Variants in CTNND2 observed in about 807,000 individuals in gnomAD.
The protein encoded by CTNND2 is catenin delta 2, also known as catenin delta-2.
In CTNND2, 22 loss-of-function variants were observed where a neutral mutation model predicts 144.4. The ratio of observed to expected loss-of-function variants is 0.15; its 90% CI spans 0.11 to 0.22. CTNND2 has a LOEUF of 0.22. Ranked by LOEUF, CTNND2 falls within the 10% of genes least tolerant of loss-of-function variation. CTNND2 has a pLI of 1.00. For missense variants in CTNND2, 1,353 were observed against 1,618.8 expected (o/e 0.84, Z 2.82); for synonymous variants, 751 against 695.6 (o/e 1.08, Z -1.25).
chr5:11,382,606 TG>T (rs2149796010), intron 7 of CTNND2, among the ~76,000 whole-genome samples: 1 of 136,880 alleles, frequency 7.3e-6, no homozygotes, highest in South Asian at 2.3e-4. Flanking sequence ...TGTGTGTGTG[TG>T]TGTGTGTGTG....
intron 3 of CTNND2, among the ~76,000 whole-genome samples, chr5:11,515,200 T>C (rs1772053109): frequency 6.6e-6 from 1 of 152,132 alleles, no homozygotes; most frequent in Non-Finnish European, 1.5e-5. Context: ...GTGTGTATTT[T>C]CTCAACGGGG....
chr5:11,707,453 C>T (rs962834759), intron 2 of CTNND2, among the ~76,000 whole-genome samples: 4 of 152,098 alleles, frequency 2.6e-5, no homozygotes, highest in Admixed American at 2.0e-4. Flanking sequence ...TGCAAGTAAT[C>T]CAAGTGGTAA....
In CTNND2 at chr5:11,903,480, T is replaced by A; in HGVS notation, c.37+337A>T. On this transcript the variant is annotated intron_variant, in intron 1 of 21. Transcript: ENST00000304623. This position sits in a 1 kb window ranked among gnomAD's most constrained non-coding sequence, Gnocchi z 5.4. The stretch of plus-strand genomic sequence containing the variant: ...TTAGGGACGTCATGAATGCACCGAG[T>A]ATGTTCTCAGGGTGGCGGGGAGCAG... The A allele has an allele frequency of 1.5e-6, 1 of 651,578 alleles. No homozygotes were observed. The highest frequency in any genetic ancestry group is 2.0e-6 in the Non-Finnish European group (1 of 498,802). The allele number at this position is 651,578 out of a possible 1,614,324, so 40.4% of individuals were successfully genotyped here.
intron 3 of CTNND2, among the ~76,000 whole-genome samples, chr5:11,562,257 G>A (rs1465193525): frequency 2.0e-5 from 3 of 151,972 alleles, no homozygotes; most frequent in Admixed American, 6.6e-5. Context: ...AATCAACATC[G>A]AAATTACCAG....
At chr5:11,852,122 A>T (rs4280864) in intron 1 of CTNND2, among the ~76,000 whole-genome samples, 105,223 of 151,848 alleles carry the variant, frequency 0.69, 36,561 homozygotes, top group South Asian at 0.78. Context: ...TTCAGACTCT[A>T]CAGCTTCCAT....
intron 1 of CTNND2, among the ~76,000 whole-genome samples, chr5:11,854,182 G>A (rs543288185): frequency 8.5e-5 from 13 of 152,282 alleles, no homozygotes; most frequent in South Asian, 4.1e-4. Flanking sequence ...GCCTGGACCC[G>A]TCTTTTCAAA....
chr5:11,276,909 T>A (rs573651841), intron 9 of CTNND2, among the ~76,000 whole-genome samples: 1 of 152,186 alleles, frequency 6.6e-6, no homozygotes, highest in Non-Finnish European at 1.5e-5. Flanking sequence ...GAAAGGATTA[T>A]CCCCTAGAGC....
chr5:11,901,736 A>G (rs943994727), intron 1 of CTNND2, among the ~76,000 whole-genome samples: 2 of 152,186 alleles, frequency 1.3e-5, no homozygotes, highest in Admixed American at 6.5e-5. Context: ...AATCCACAAT[A>G]TAACATAAAA....
chr5:11,620,784 C>G (rs1009821278), intron 2 of CTNND2, among the ~76,000 whole-genome samples: 3 of 152,156 alleles, frequency 2.0e-5, no homozygotes, highest in Admixed American at 2.0e-4. Flanking sequence ...TATCTGGAGG[C>G]TGGAGTTGTT....
chr5:11,413,135 G>A (rs1761675072), intron 3 of CTNND2, among the ~76,000 whole-genome samples: 1 of 152,092 alleles, frequency 6.6e-6, no homozygotes, highest in South Asian at 2.1e-4. Context: ...CTGGACAATG[G>A]TTTTATAATA....
chr5:11,014,082 T>C (rs1741364941), intron 18 of CTNND2, among the ~76,000 whole-genome samples: 1 of 152,238 alleles, frequency 6.6e-6, no homozygotes. Flanking sequence ...GATCCCTGTG[T>C]AGTCTCAGCT....
intron 1 of CTNND2, among the ~76,000 whole-genome samples, chr5:11,753,295 G>A (rs1788727427): frequency 6.6e-6 from 1 of 151,758 alleles, no homozygotes; most frequent in Non-Finnish European, 1.5e-5. Flanking sequence ...TGTTCACTAT[G>A]ATATGGCTGT....
At chr5:11,450,936 C>T (rs2149912464) in intron 3 of CTNND2, among the ~76,000 whole-genome samples, 1 of 147,658 alleles carries the variant, frequency 6.8e-6, no homozygotes, top group Admixed American at 6.8e-5. Context: ...TGTTCCAAAG[C>T]AGCCATTTTA....
intron 1 of CTNND2, among the ~76,000 whole-genome samples, chr5:11,855,567 TAAAGA>T (rs1795213131): frequency 6.6e-6 from 1 of 152,088 alleles, no homozygotes; most frequent in African/African-American, 2.4e-5. Context: ...AAACAAAATC[TAAAGA>T]TAAAAAGGTA....
intron 3 of CTNND2, among the ~76,000 whole-genome samples, chr5:11,418,171 C>T (rs1762066172): frequency 6.6e-6 from 1 of 152,024 alleles, no homozygotes; most frequent in Admixed American, 6.6e-5. Flanking sequence ...CTTCAGGAGG[C>T]TGAGGTGGGT....
chr5:11,078,694 A>AT (rs1432054108), intron 16 of CTNND2, among the ~76,000 whole-genome samples: 2 of 152,156 alleles, frequency 1.3e-5, no homozygotes, highest in Non-Finnish European at 1.5e-5. Context: ...TTAGCTATTG[A>AT]TTTTTTTCTC....
At chr5:11,078,405 C>T (rs552197707) in intron 16 of CTNND2, among the ~76,000 whole-genome samples, 1 of 152,264 alleles carries the variant, frequency 6.6e-6, no homozygotes, top group African/African-American at 2.4e-5. Flanking sequence ...AAGCCTGTGA[C>T]TTAGATATTT....
At chr5:11,783,491 G>A (rs1461413262) in intron 1 of CTNND2, among the ~76,000 whole-genome samples, 39 of 152,252 alleles carry the variant, frequency 2.6e-4, no homozygotes, top group South Asian at 6.2e-4. Context: ...CTTCCGCATC[G>A]GGATTCCCTC....
chr5:11,535,702 T>C (rs549739528), intron 3 of CTNND2, among the ~76,000 whole-genome samples: 1 of 152,270 alleles, frequency 6.6e-6, no homozygotes, highest in South Asian at 2.1e-4. Flanking sequence ...ATATAAAAAA[T>C]GCACAGTGGG....
Sources: gnomAD v4.1 joint callset for allele counts (sites outside exome capture counted in the v4.1 genomes callset) on GRCh38, gnomAD v4.1.1 for gene constraint, Gnocchi (gnomAD v3.1) non-coding constraint, MANE v1.5 for transcripts, NCBI Gene and HGNC (gene_info 2026-07-23, HGNC 2026-07-21) for gene names.